The following SYT9 variants were observed in gnomAD, a reference collection of about 807,000 sequenced individuals.
SYT9 encodes synaptotagmin-9.
A neutral mutation model predicts 48.4 loss-of-function variants in SYT9; 22 were observed. That is an observed-to-expected ratio of 0.45 (90% CI 0.32 to 0.65). SYT9 has a LOEUF of 0.65. Among genes scored for constraint, SYT9 ranks in the 30% least tolerant of loss-of-function variants. The pLI, the probability that SYT9 is intolerant of heterozygous loss-of-function variation, is 0.03. For missense variants in SYT9, 577 were observed against 622.0 expected (o/e 0.93, Z 0.77); for synonymous variants, 265 against 245.0 (o/e 1.08, Z -0.76).
intron 3 of SYT9, among the ~76,000 whole-genome samples, chr11:7,400,062 C>T (rs758133237): frequency 1.3e-5 from 2 of 152,216 alleles, no homozygotes; most frequent in Non-Finnish European, 2.9e-5. Flanking sequence ...ATGTGACTTA[C>T]TGAGTTCAGC....
chr11:7,262,549 G>T (rs1355269525), intron 1 of SYT9, among the ~76,000 whole-genome samples: 1 of 152,078 alleles, frequency 6.6e-6, no homozygotes, highest in Non-Finnish European at 1.5e-5. Flanking sequence ...TACAAAGGAA[G>T]ATTAATGAAG....
rs183624047 is a variant in SYT9, at chr11:7,328,153, C to G, written c.1044+14212C>G. 5.3e-3 allele frequency among the ~76,000 whole-genome samples: 807 copies of G among 151,460 alleles called. 5 individuals carry two copies. The highest frequency in any genetic ancestry group is 0.029 in the South Asian group (140 of 4,808). The stretch of plus-strand genomic sequence containing the variant: ...GTCTTGTATATTTCTATTTTTTTAA[C>G]TTACAAATTTCCTACATCCTTATAT... On this transcript the variant is annotated intron_variant, in intron 3 of 6. Coordinates refer to ENST00000318881, the MANE Select transcript of SYT9 (RefSeq NM_175733.4).
intron 3 of SYT9, among the ~76,000 whole-genome samples, chr11:7,315,202 G>C (rs965869993): frequency 6.6e-6 from 1 of 152,124 alleles, no homozygotes; most frequent in Admixed American, 6.5e-5. Flanking sequence ...AGGTGATTTG[G>C]GATACTGGGG....
At chr11:7,309,944 C>G (rs1849100539) in intron 2 of SYT9, among the ~76,000 whole-genome samples, 1 of 152,214 alleles carries the variant, frequency 6.6e-6, no homozygotes, top group African/African-American at 2.4e-5. Flanking sequence ...GAGAACCTGT[C>G]ATGCCCAGTT....
At chr11:7,438,873 C>A (rs1847767476) in intron 6 of SYT9, 1 of 152,332 alleles carries the variant, frequency 6.6e-6, no homozygotes, top group Non-Finnish European at 1.5e-5. Context: ...CAGACTTCAT[C>A]TCTGATTTCA....
intron 1 of SYT9, among the ~76,000 whole-genome samples, chr11:7,274,215 C>T (rs1848345087): frequency 6.6e-6 from 1 of 152,094 alleles, no homozygotes; most frequent in Admixed American, 6.6e-5. Flanking sequence ...CAGTGGAGCC[C>T]CCTCATTAAG....
chr11:7,384,220 G>T (rs1850616635), intron 3 of SYT9, among the ~76,000 whole-genome samples: 1 of 151,908 alleles, frequency 6.6e-6, no homozygotes, highest in East Asian at 1.9e-4. Flanking sequence ...TGTCTCTGTG[G>T]TTACATTCTT....
chr11:7,394,508 C>T (rs1564888360), intron 3 of SYT9, among the ~76,000 whole-genome samples: 1 of 152,124 alleles, frequency 6.6e-6, no homozygotes, highest in Non-Finnish European at 1.5e-5. Context: ...AATGGTATTT[C>T]TAGTTCTAGA....
upstream of SYT9, among the ~76,000 whole-genome samples, chr11:7,247,424 G>A (rs973039143): frequency 2.0e-5 from 3 of 150,912 alleles, no homozygotes; most frequent in Non-Finnish European, 4.4e-5. Context: ...TATGAATGCC[G>A]TTAATTCATT....
intron 3 of SYT9, among the ~76,000 whole-genome samples, chr11:7,334,224 A>G (rs1336980967): frequency 6.9e-6 from 1 of 144,848 alleles, no homozygotes; most frequent in East Asian, 2.5e-4. Context: ...GAACTCAGGA[A>G]GGAGCAAGAA....
intron 1 of SYT9, among the ~76,000 whole-genome samples, chr11:7,253,496 C>G (rs1284469338): frequency 6.6e-6 from 1 of 152,036 alleles, no homozygotes; most frequent in African/African-American, 2.4e-5. Flanking sequence ...ATAGCATATC[C>G]TTGATATATT....
rs372916742 is a variant in SYT9, at chr11:7,369,611, G to A, written c.1045-46431G>A. On this transcript the variant is annotated intron_variant, in intron 3 of 6. Transcript: ENST00000318881. ...TTCTTCTGGGGTTTTTATGGTTTTG[G>A]GTTTTACATTTGTCTTTAATCCATC... 1.9e-4 allele frequency among the ~76,000 whole-genome samples: 29 copies of A among 151,916 alleles called. No homozygotes were observed. The South Asian group carries it at 5.4e-3, about 28-fold the overall frequency.
intron 3 of SYT9, among the ~76,000 whole-genome samples, chr11:7,386,503 T>G (rs895182655): frequency 1.3e-5 from 2 of 151,446 alleles, no homozygotes; most frequent in African/African-American, 4.8e-5. Flanking sequence ...GAACAGACAC[T>G]TCTCAAAAGA....
chr11:7,275,179 A>G (rs1056237271), intron 1 of SYT9, among the ~76,000 whole-genome samples: 3 of 152,028 alleles, frequency 2.0e-5, no homozygotes, highest in African/African-American at 7.2e-5. Flanking sequence ...ATTCTCCCTG[A>G]CTAGCCAGCT....
intron 3 of SYT9, among the ~76,000 whole-genome samples, chr11:7,394,884 C>A (rs1846717721): frequency 6.6e-6 from 1 of 152,090 alleles, no homozygotes; most frequent in African/African-American, 2.4e-5. Flanking sequence ...TCTCCGTTTT[C>A]ATTTGTTTCA....
chr11:7,363,545 C>A (rs1279076828), intron 3 of SYT9, among the ~76,000 whole-genome samples: 2 of 152,104 alleles, frequency 1.3e-5, no homozygotes. Flanking sequence ...AAAGATAAAT[C>A]TTTACATTGA....
intron 2 of SYT9, among the ~76,000 whole-genome samples, chr11:7,306,700 A>G (rs1028956308): frequency 6.6e-6 from 1 of 152,026 alleles, no homozygotes. Flanking sequence ...TCACCTTCTC[A>G]GAAAGTTCTC....
At chr11:7,391,805 A>G (rs1040302453) in intron 3 of SYT9, among the ~76,000 whole-genome samples, 3 of 144,360 alleles carry the variant, frequency 2.1e-5, no homozygotes, top group African/African-American at 5.1e-5. Context: ...AGTCCCAGCT[A>G]CTCGGGAACC....
intron 1 of SYT9, among the ~76,000 whole-genome samples, chr11:7,281,323 A>G (rs974412362): frequency 6.6e-6 from 1 of 152,240 alleles, no homozygotes; most frequent in Non-Finnish European, 1.5e-5. Flanking sequence ...GAAACTATTT[A>G]TGACTCATAC....
Sources: allele counts gnomAD v4.1 joint callset (sites outside exome capture counted in the v4.1 genomes callset), GRCh38; gene constraint gnomAD v4.1.1; transcripts MANE v1.5; gene names NCBI Gene and HGNC (gene_info 2026-07-23, HGNC 2026-07-21).